The following PRKCE variants were observed in gnomAD, a reference collection of about 807,000 sequenced individuals.
The protein encoded by PRKCE is protein kinase C epsilon type.
PRKCE carries 16 observed loss-of-function variants against 85.4 expected under a neutral mutation model. That is an observed-to-expected ratio of 0.19 (90% CI 0.13 to 0.28). The LOEUF is 0.28. PRKCE is among the 10% of genes least tolerant of loss of function. PRKCE has a pLI of 1.00. For synonymous variants in PRKCE, 388 were observed against 371.5 expected, an observed-to-expected ratio of 1.04 and a Z score of -0.51; for missense variants, 573 against 975.2, an observed-to-expected ratio of 0.59 and a Z score of 5.49.
At chr2:45,756,382 T>G (rs1684007082) in intron 1 of PRKCE, among the ~76,000 whole-genome samples, 1 of 152,134 alleles carries the variant, frequency 6.6e-6, no homozygotes, top group Non-Finnish European at 1.5e-5. Context: ...GTACAAAACT[T>G]CAGATGTAGA....
Position 45,652,590 on chromosome 2 carries a change from T to A in PRKCE, c.348+142T>A. 1 of 799,394 alleles carries A rather than the reference T, an allele frequency of 1.3e-6. No homozygotes were observed. The highest frequency in any genetic ancestry group is 1.8e-5 in the South Asian group (1 of 54,550). 49.5% of individuals were successfully genotyped at this position (799,394 alleles called of 1,614,324 possible). ...GTAAGTCTCAGTTTCCTTGGGGAGG[T>A]ACACTTCACTTCATAGTTGGGGAGA... On this transcript the variant is annotated intron_variant, in intron 1 of 14. Transcript: ENST00000306156. This position sits in a 1 kb window ranked among gnomAD's most constrained non-coding sequence, Gnocchi z 7.7.
intron 1 of PRKCE, among the ~76,000 whole-genome samples, chr2:45,812,906 T>C (rs1352175245): frequency 6.6e-6 from 1 of 152,240 alleles, no homozygotes; most frequent in Non-Finnish European, 1.5e-5. Context: ...AAAATGTTTA[T>C]ATATGGAGTG....
At chr2:45,844,689 A>T (rs554726995) in intron 2 of PRKCE, among the ~76,000 whole-genome samples, 2 of 152,242 alleles carry the variant, frequency 1.3e-5, no homozygotes, top group Non-Finnish European at 2.9e-5. Flanking sequence ...GTGCAATATG[A>T]TAATTAATTA....
At chr2:45,772,657 A>G (rs1685434125) in intron 1 of PRKCE, among the ~76,000 whole-genome samples, 1 of 152,126 alleles carries the variant, frequency 6.6e-6, no homozygotes, top group Non-Finnish European at 1.5e-5. Context: ...TGGAGAAGTT[A>G]AGTGGCAGCT....
chr2:46,019,847 C>CTTTTTTTTTTTTTT (rs869079304), intron 10 of PRKCE, among the ~76,000 whole-genome samples: 1 of 105,914 alleles, frequency 9.4e-6, no homozygotes, highest in Non-Finnish European at 1.8e-5. Flanking sequence ...TTGGTTTTCT[C>CTTTTTTTTTTTTTT]TTTTTTTTTT....
At chr2:45,783,288 C>T (rs1686339951) in intron 1 of PRKCE, among the ~76,000 whole-genome samples, 1 of 152,186 alleles carries the variant, frequency 6.6e-6, no homozygotes, top group Non-Finnish European at 1.5e-5. Flanking sequence ...GGTAAGAATG[C>T]CGGTGCTCTG....
chr2:46,128,527 C>G (rs1404618481), intron 11 of PRKCE, among the ~76,000 whole-genome samples: 2 of 152,196 alleles, frequency 1.3e-5, no homozygotes, highest in African/African-American at 4.8e-5. Flanking sequence ...AGTGTTAATA[C>G]TAAATCAGAG....
chr2:45,905,645 G>T lies in PRKCE; in HGVS notation c.412+62582G>T, dbSNP rs996964761. ...TTTCTAAGGGGCTGAGGGCTGGCCG[G>T]GGCCCTAGCTGGGGAACCTCTGATG... On this transcript the variant is annotated intron_variant, in intron 2 of 14. Transcript: ENST00000306156. This position sits in a 1 kb window ranked among gnomAD's most constrained non-coding sequence, Gnocchi z 4.4. Among the ~76,000 whole-genome samples, 5 of 152,200 alleles carry T rather than the reference G, an allele frequency of 3.3e-5. No individual in the cohort carries two copies. Among genetic ancestry groups the T allele is most frequent in the Admixed American group, 1.3e-4 (2 of 15,282 alleles).
At chr2:45,666,302 G>C (rs1345785655) in intron 1 of PRKCE, among the ~76,000 whole-genome samples, 1 of 152,024 alleles carries the variant, frequency 6.6e-6, no homozygotes, top group Non-Finnish European at 1.5e-5. Flanking sequence ...TATGAGTTGT[G>C]TGGGGATCAT....
At chr2:46,178,502 C>T (rs867968400) in intron 14 of PRKCE, among the ~76,000 whole-genome samples, 2 of 152,180 alleles carry the variant, frequency 1.3e-5, no homozygotes, top group Non-Finnish European at 2.9e-5. Flanking sequence ...GCAGTGATAC[C>T]TTCCTTATTT....
At chr2:45,811,251 A>T (rs1426879915) in intron 1 of PRKCE, among the ~76,000 whole-genome samples, 1 of 152,234 alleles carries the variant, frequency 6.6e-6, no homozygotes, top group East Asian at 1.9e-4. Context: ...GAGGCCACCA[A>T]GGGTCCATCA....
At chr2:46,169,527 T>TA (rs1678683064) in intron 14 of PRKCE, among the ~76,000 whole-genome samples, 1 of 152,174 alleles carries the variant, frequency 6.6e-6, no homozygotes, top group African/African-American at 2.4e-5. Context: ...AGAGCCCAGC[T>TA]AGGCGTGGAA....
chr2:45,820,258 G>A (rs1402561468), intron 1 of PRKCE, among the ~76,000 whole-genome samples: 1 of 152,120 alleles, frequency 6.6e-6, no homozygotes, highest in Non-Finnish European at 1.5e-5. Context: ...AACACTGCCA[G>A]GCACTTGAGA....
At chr2:46,074,429 C>CAAAAAAAAAAAAAAAAA (rs11287357) in intron 10 of PRKCE, among the ~76,000 whole-genome samples, 7 of 93,854 alleles carry the variant, frequency 7.5e-5, no homozygotes, top group Admixed American at 2.4e-4. Flanking sequence ...CAACAACAAC[C>CAAAAAAAAAAAAAAAAA]AAAAAAAAAA....
intron 1 of PRKCE, among the ~76,000 whole-genome samples, chr2:45,653,370 G>GT (rs34888247): frequency 0.12 from 7,309 of 61,470 alleles, 910 homozygotes; most frequent in South Asian, 0.15. Context: ...TTTTTGGGTT[G>GT]TTTTTTTTTT....
At chr2:45,696,804 C>A (rs1253313764) in intron 1 of PRKCE, among the ~76,000 whole-genome samples, 1 of 152,156 alleles carries the variant, frequency 6.6e-6, no homozygotes, top group Non-Finnish European at 1.5e-5. Flanking sequence ...TGATAACAAG[C>A]TTTTCATTAG....
intron 1 of PRKCE, among the ~76,000 whole-genome samples, chr2:45,775,363 C>T (rs191697388): frequency 2.2e-3 from 341 of 152,318 alleles, no homozygotes; most frequent in African/African-American, 7.9e-3. Context: ...ACGCAGTCCG[C>T]CCGTTCTCAT....
At chr2:45,903,882 T>G (rs1025721314) in intron 2 of PRKCE, among the ~76,000 whole-genome samples, 3 of 44,268 alleles carry the variant, frequency 6.8e-5, no homozygotes, top group Non-Finnish European at 1.3e-4. Context: ...AGCCTGGCAG[T>G]TTTTTTTTGT....
At chr2:45,816,023 AG>A (rs1229598299) in intron 1 of PRKCE, among the ~76,000 whole-genome samples, 3 of 152,234 alleles carry the variant, frequency 2.0e-5, no homozygotes, top group Admixed American at 6.5e-5. Context: ...ACACATCCCA[AG>A]TACATTTGGG....
Sources: gnomAD v4.1 joint callset for allele counts (sites outside exome capture counted in the v4.1 genomes callset) on GRCh38, gnomAD v4.1.1 for gene constraint, Gnocchi (gnomAD v3.1) non-coding constraint, MANE v1.5 for transcripts, NCBI Gene and HGNC (gene_info 2026-07-23, HGNC 2026-07-21) for gene names.